The following PLCL2 variants were observed in gnomAD, a reference collection of about 807,000 sequenced individuals.
PLCL2 encodes the protein phospholipase C like 2, also known as inactive phospholipase C-like protein 2.
A neutral mutation model predicts 79.6 loss-of-function variants in PLCL2; 4 were observed. The observed-to-expected ratio is 0.05, with a 90% confidence interval of 0.02 to 0.11. The LOEUF is 0.11. PLCL2 is among the 10% of genes least tolerant of loss of function. The pLI is 1.00. For synonymous variants in PLCL2, 484 were observed against 457.7 expected, an observed-to-expected ratio of 1.06 and a Z score of -0.73; for missense variants, 895 against 1,291.0, an observed-to-expected ratio of 0.69 and a Z score of 4.70.
At chr3:16,939,986 A>T (rs1171033417) in intron 1 of PLCL2, among the ~76,000 whole-genome samples, 2 of 152,184 alleles carry the variant, frequency 1.3e-5, no homozygotes, top group Admixed American at 1.3e-4. Flanking sequence ...TACTATTTTT[A>T]AAAATCCATA....
intron 1 of PLCL2, among the ~76,000 whole-genome samples, chr3:16,897,576 G>A (rs1028330599): frequency 5.3e-5 from 8 of 152,236 alleles, no homozygotes; most frequent in African/African-American, 1.9e-4. Flanking sequence ...CTAAATGAGT[G>A]TAGTAAAAAC....
intron 1 of PLCL2, among the ~76,000 whole-genome samples, chr3:16,998,734 A>G (rs1006530194): frequency 1.3e-5 from 2 of 152,212 alleles, no homozygotes; most frequent in Admixed American, 6.5e-5. Flanking sequence ...CTTTGCCAAA[A>G]GAGTGTTGTT....
chr3:16,914,788 G>C (rs2124930283), intron 1 of PLCL2, among the ~76,000 whole-genome samples: 1 of 152,212 alleles, frequency 6.6e-6, no homozygotes, highest in South Asian at 2.1e-4. Context: ...CCAGGCTGGA[G>C]TGCAGTGGCA....
At chr3:17,004,072 C>A (rs1306257604) in intron 1 of PLCL2, among the ~76,000 whole-genome samples, 1 of 152,168 alleles carries the variant, frequency 6.6e-6, no homozygotes, top group Non-Finnish European at 1.5e-5. Flanking sequence ...TCTACCAAAC[C>A]CAGAACAGTT....
rs1304116456 is a variant in PLCL2 at position 16,885,157 on chromosome 3, G to T, written c.118G>T (p.Gly40Cys). Reference protein sequence around the residue: ...AGVGEGGGGGGRLGHGRARYD... With the variant: ...AGVGEGGGGGCRLGHGRARYD... ...AGTGGGGGAAGGCGGTGGCGGGGGA[G>T]GTCGCCTCGGCCACGGGCGGGCGCG... is the stretch of plus-strand genomic sequence containing the variant. The change falls in exon 1 of 6, where the codon GGT (glycine) becomes TGT (cysteine). Residue 40 changes from glycine to cysteine, a missense_variant. By Grantham distance (159) the Gly-to-Cys change is radical. This residue lies in a region of PLCL2 where 110 missense variants were observed against 42.9 expected (regional missense o/e 2.56). Coordinates refer to ENST00000615277, the MANE Select transcript of PLCL2 (RefSeq NM_001144382.2). The T allele has an allele frequency of 1.7e-5, 9 of 521,890 alleles. No individual in the cohort carries two copies. The highest frequency in any genetic ancestry group is 3.1e-5 in the Non-Finnish European group (9 of 292,680). The allele number at this position is 521,890 out of a possible 1,614,324, so 32.3% of individuals were successfully genotyped here.
intron 4 of PLCL2, among the ~76,000 whole-genome samples, chr3:17,052,260 G>A (rs375815930): frequency 4.9e-4 from 74 of 150,468 alleles, no homozygotes; most frequent in African/African-American, 1.8e-3. Flanking sequence ...AAAATTGGGG[G>A]GGGGTGAAGG....
intron 4 of PLCL2, among the ~76,000 whole-genome samples, chr3:17,051,768 A>G (rs1403221876): frequency 6.6e-6 from 1 of 152,164 alleles, no homozygotes; most frequent in African/African-American, 2.4e-5. Context: ...GAACAACAAG[A>G]GCTTCTTCTA....
intron 1 of PLCL2, chr3:16,933,105 A>G (rs1697446936): frequency 6.5e-6 from 1 of 154,766 alleles, no homozygotes; most frequent in Admixed American, 6.5e-5. Flanking sequence ...GTACCTAAGT[A>G]TTATTGGACA....
intron 1 of PLCL2, among the ~76,000 whole-genome samples, chr3:16,990,685 A>G (rs180752309): frequency 3.7e-4 from 56 of 152,306 alleles, no homozygotes; most frequent in Non-Finnish European, 7.2e-4. Flanking sequence ...GCCTTATCAA[A>G]CCCTTTAAAG....
intron 5 of PLCL2, among the ~76,000 whole-genome samples, chr3:17,087,357 G>A (rs946550959): frequency 6.6e-5 from 10 of 152,198 alleles, no homozygotes; most frequent in Non-Finnish European, 1.3e-4. Context: ...GCCATGAGAC[G>A]ACATGGAGGA....
chr3:16,970,376 A>G (rs1241576668), intron 1 of PLCL2, among the ~76,000 whole-genome samples: 1 of 151,166 alleles, frequency 6.6e-6, no homozygotes, highest in African/African-American at 2.4e-5. Context: ...CCATGTCCCT[A>G]CAAAGGACAT....
chr3:16,892,219 G>A (rs1200889565), intron 1 of PLCL2, among the ~76,000 whole-genome samples: 1 of 152,186 alleles, frequency 6.6e-6, no homozygotes, highest in African/African-American at 2.4e-5. Flanking sequence ...ATTTATTCAT[G>A]TACATAATTT....
intron 1 of PLCL2, among the ~76,000 whole-genome samples, chr3:16,890,952 A>T (rs1436176290): frequency 6.6e-6 from 1 of 152,242 alleles, no homozygotes; most frequent in Non-Finnish European, 1.5e-5. Flanking sequence ...CTGGCAGGAC[A>T]CTTGGCACCC....
intron 4 of PLCL2, among the ~76,000 whole-genome samples, chr3:17,061,162 G>A (rs1024330983): frequency 2.0e-5 from 3 of 152,112 alleles, no homozygotes; most frequent in African/African-American, 4.8e-5. Context: ...TTGAAAGGTC[G>A]TCTGCTTTAC....
chr3:17,004,176 G>A (rs6796005), intron 1 of PLCL2, among the ~76,000 whole-genome samples: 1 of 152,078 alleles, frequency 6.6e-6, no homozygotes, highest in Admixed American at 6.6e-5. Context: ...ATGCATACAA[G>A]AACAGTTATG....
chr3:16,966,837 A>C (rs972265878), intron 1 of PLCL2, among the ~76,000 whole-genome samples: 13 of 152,004 alleles, frequency 8.6e-5, no homozygotes, highest in African/African-American at 2.9e-4. Context: ...TTCAGAGGTC[A>C]CGGGAGTTTG....
chr3:17,063,527 CAG>C (rs2064977023), intron 4 of PLCL2, among the ~76,000 whole-genome samples: 1 of 151,484 alleles, frequency 6.6e-6, no homozygotes. Context: ...CCTCCTAAAT[CAG>C]AACCTCCAGG....
At chr3:17,003,996 A>G (rs2064235473) in intron 1 of PLCL2, among the ~76,000 whole-genome samples, 1 of 152,084 alleles carries the variant, frequency 6.6e-6, no homozygotes, top group Non-Finnish European at 1.5e-5. Flanking sequence ...GCTTTTAAGA[A>G]TTCCTTAAAA....
intron 1 of PLCL2, among the ~76,000 whole-genome samples, chr3:16,894,540 AT>A (rs1441308053): frequency 1.3e-5 from 2 of 152,212 alleles, no homozygotes; most frequent in East Asian, 3.8e-4. Flanking sequence ...GGTCCAGCCA[AT>A]TTACACACCT....
Sources: allele counts gnomAD v4.1 joint callset (sites outside exome capture counted in the v4.1 genomes callset), GRCh38; gene constraint gnomAD v4.1.1; regional missense constraint gnomAD v4.1.1; transcripts MANE v1.5; gene names NCBI Gene and HGNC (gene_info 2026-07-23, HGNC 2026-07-21).